The following ARID1A variants were observed in gnomAD, a reference collection of about 807,000 sequenced individuals.
The protein encoded by ARID1A is AT-rich interactive domain-containing protein 1A.
In ARID1A, 20 loss-of-function variants were observed where a neutral mutation model predicts 212.6. The observed-to-expected ratio is 0.09, with a 90% CI of 0.07 to 0.14. ARID1A has a LOEUF of 0.14. Ranked by LOEUF, ARID1A falls within the 10% of genes least tolerant of loss-of-function variation. The probability of loss-of-function intolerance (pLI) is 1.00; values close to 1 mark genes in which losing one functional copy is unlikely to be tolerated. For missense variants in ARID1A, 2,587 were observed against 3,059.0 expected (o/e 0.85, Z 3.64); for synonymous variants, 1,376 against 1,222.1 (o/e 1.13, Z -2.63).
intron 2 of ARID1A, 64 bp downstream of exon 2, chr1:26,729,927 G>C (rs2080657613): frequency 9.7e-6 from 15 of 1,548,912 alleles, no homozygotes; most frequent in Non-Finnish European, 1.3e-5. Context: ...GTGAGCTATA[G>C]AATCAGAATG....
rs2124144733 is a variant in ARID1A, at chr1:26,779,881, C to T, written c.5983C>T (p.Pro1995Ser). 6.2e-7 allele frequency: 1 copy of T among 1,614,098 alleles called. No homozygotes were observed. Among genetic ancestry groups the T allele is most frequent in the African/African-American group, 1.3e-5 (1 of 75,016 alleles). The change falls in exon 20 of 20, where the codon CCA becomes TCA. Residue 1995 changes from proline (P) to serine (S), a missense_variant. Transcript: ENST00000324856. ...TACCATTCGAAGCCTGTCATTTGTG[C>T]CAGGCAATGACTTTGAGATGTCCAA... is the stretch of plus-strand genomic sequence containing the variant. Reference protein sequence around the residue: ...SNTIRSLSFVPGNDFEMSKHP... With the variant: ...SNTIRSLSFVSGNDFEMSKHP...
In ARID1A at chr1:26,697,249, CGGCGGG is replaced by C. The variant is rs766163118; in HGVS notation, c.849_854del (p.Gly284_Gly285del). ...TGGGGGGAGGCGGCCCCTCCGCGGCCGGCGGGGGAACTCCCCAGCCCACCGCCACCC... is the reference window on the plus strand; with the variant it reads ...TGGGGGGAGGCGGCCCCTCCGCGGCCGGAACTCCCCAGCCCACCGCCACCC... On this transcript the variant is annotated inframe_deletion, in exon 1 of 20. Coordinates refer to ENST00000324856, the MANE Select transcript of ARID1A (RefSeq NM_006015.6). 5.1e-6 allele frequency: 7 copies of C among 1,372,370 alleles called. No homozygotes were observed. The South Asian group carries it at 1.1e-4, about 21-fold the overall frequency. 85.0% of individuals were successfully genotyped at this position (1,372,370 alleles called of 1,614,324 possible).
intron 4 of ARID1A, among the ~76,000 whole-genome samples, chr1:26,733,037 T>A (rs1244235351): frequency 6.6e-6 from 1 of 152,160 alleles, no homozygotes; most frequent in Non-Finnish European, 1.5e-5. Flanking sequence ...TGGACCCACA[T>A]GAGGGGCAGA....
chr1:26,743,645 C>T (rs961496694), intron 4 of ARID1A, among the ~76,000 whole-genome samples: 1 of 151,656 alleles, frequency 6.6e-6, no homozygotes, highest in African/African-American at 2.4e-5. Flanking sequence ...CCAGCCTGGA[C>T]AACATGGCGA....
chr1:26,763,655 G>A (rs1389792450), intron 8 of ARID1A, among the ~76,000 whole-genome samples: 3 of 152,166 alleles, frequency 2.0e-5, no homozygotes, highest in East Asian at 1.9e-4. Flanking sequence ...CTGTAATCCC[G>A]GCTATCGGGA....
At chr1:26,750,487 GC>G (rs886300972) in intron 4 of ARID1A, among the ~76,000 whole-genome samples, 6 of 152,120 alleles carry the variant, frequency 3.9e-5, no homozygotes, top group African/African-American at 1.4e-4. Context: ...CTAGAAAGGA[GC>G]CTTCCCGTCT....
chr1:26,767,552 A>G (rs1245687024), intron 10 of ARID1A, among the ~76,000 whole-genome samples: 1 of 152,230 alleles, frequency 6.6e-6, no homozygotes, highest in African/African-American at 2.4e-5. Flanking sequence ...CCTAATATAT[A>G]AAGGCATCTA....
At chr1:26,730,919 A>C (rs1479971367) in intron 2 of ARID1A, among the ~76,000 whole-genome samples, 1 of 152,142 alleles carries the variant, frequency 6.6e-6, no homozygotes, top group Non-Finnish European at 1.5e-5. Flanking sequence ...AATAGTGTAA[A>C]TTTTCAGTGG....
intron 1 of ARID1A, among the ~76,000 whole-genome samples, chr1:26,724,257 C>T (rs2080595477): frequency 6.6e-6 from 1 of 152,176 alleles, no homozygotes; most frequent in African/African-American, 2.4e-5. Context: ...GACTTCTCCT[C>T]TCTGATGGAC....
chr1:26,727,808 T>G (rs1210036542), intron 1 of ARID1A: 1 of 152,234 alleles, frequency 6.6e-6, no homozygotes, highest in Non-Finnish European at 1.5e-5. Context: ...GGAGGCCACA[T>G]GGACAGCAGC....
At chr1:26,738,431 T>C (rs1220250229) in intron 4 of ARID1A, among the ~76,000 whole-genome samples, 2 of 152,216 alleles carry the variant, frequency 1.3e-5, no homozygotes, top group African/African-American at 2.4e-5. Context: ...GTCTTGCTTA[T>C]TGCCATAGTG....
At chr1:26,773,054 C>G (rs2124108813) in intron 14 of ARID1A, 67 bp downstream of exon 14, 1 of 1,553,148 alleles carries the variant, frequency 6.4e-7, no homozygotes, top group Non-Finnish European at 8.7e-7. Context: ...GGGGGGAAAT[C>G]TTGAGAATGG....
rs2124112498 is a variant in ARID1A, at chr1:26,773,588, C to T, written c.3875C>T (p.Pro1292Leu). 1 of 1,614,218 alleles carries T rather than the reference C, an allele frequency of 6.2e-7. No individual in the cohort carries two copies. The highest frequency in any genetic ancestry group is 8.5e-7 in the Non-Finnish European group (1 of 1,180,044). ...GGPYDRVRTE[P>L]GIGPEGNMST... is the part of the protein sequence containing the mutation. ...TCTCCAATTTTGTTTAGGACGGAGC[C>T]TGGAATAGGGCCTGAGGGAAACATG... Residue 1292 changes from proline (P) to leucine (L), a missense_variant, in exon 16 of 20, where the codon CCT becomes CTT. Transcript: ENST00000324856.
chr1:26,723,409 G>T (rs1402597589), intron 1 of ARID1A, among the ~76,000 whole-genome samples: 1 of 152,196 alleles, frequency 6.6e-6, no homozygotes, highest in Non-Finnish European at 1.5e-5. Context: ...GCGGAGGACG[G>T]GGTGCCTTTG....
intron 1 of ARID1A, among the ~76,000 whole-genome samples, chr1:26,716,748 C>G (rs1031994204): frequency 3.9e-5 from 6 of 152,146 alleles, no homozygotes; most frequent in African/African-American, 1.2e-4. Context: ...GCCTCAGCCT[C>G]CCGAGTAGCT....
chr1:26,762,131 A>T (rs1335359289), intron 6 of ARID1A, 21 bp from the exon 7 acceptor site: 2 of 1,604,006 alleles, frequency 1.2e-6, no homozygotes, highest in Non-Finnish European at 1.7e-6. Context: ...TAATAACTAT[A>T]TGGATGCTAC....
rs2124108064 is a variant in ARID1A at position 26,772,970 on chromosome 1, A to G, written c.3698A>G (p.Tyr1233Cys). 1 of 1,610,808 alleles carries G rather than the reference A, an allele frequency of 6.2e-7. No homozygotes were observed. Among genetic ancestry groups the G allele is most frequent in the Non-Finnish European group, 8.5e-7 (1 of 1,177,520 alleles). ...RMSYEPNKDP[Y>C]GSMRKAPGSD... Reference sequence around the variant, plus strand: ...TCCTATGAGCCAAATAAGGATCCTTATGGCAGCATGAGGAAAGGTGACTGA... The same window carrying G: ...TCCTATGAGCCAAATAAGGATCCTTGTGGCAGCATGAGGAAAGGTGACTGA... The change falls in exon 14 of 20, where the codon TAT becomes TGT. Residue 1233 changes from tyrosine (Y) to cysteine (C), a missense_variant. By Grantham distance (194) the Tyr-to-Cys change is radical (BLOSUM62 -2). Coordinates refer to ENST00000324856, the MANE Select transcript of ARID1A (RefSeq NM_006015.6).
At chr1:26,727,976 C>T (rs1357153751) in intron 1 of ARID1A, 3 of 152,060 alleles carry the variant, frequency 2.0e-5, no homozygotes, top group South Asian at 2.1e-4. Flanking sequence ...TTGTTAAATT[C>T]GAACTTCCTA....
Position 26,731,284 on chromosome 1 carries a change from C to A in ARID1A, c.1483C>A (p.His495Asn), listed in dbSNP as rs1425323176. The change falls in exon 3 of 20, where the codon CAT becomes AAT. Residue 495 changes from histidine (H) to asparagine (N), a missense_variant. His to Asn is a moderately conservative substitution (Grantham distance 68). Transcript: ENST00000324856. The part of the protein sequence containing the change: ...YSQQPPSQTP[H>N]AQPSYQQQPQ... Reference sequence around the variant, plus strand: ...CCAGCAACCACCGTCCCAGACCCCTCATGCCCAACCTTCGTATCAGCAGCA... The same window carrying A: ...CCAGCAACCACCGTCCCAGACCCCTAATGCCCAACCTTCGTATCAGCAGCA... The A allele has an allele frequency of 6.2e-7, 1 of 1,614,010 alleles. No homozygotes were observed. Among genetic ancestry groups the A allele is most frequent in the Admixed American group, 1.7e-5 (1 of 59,992 alleles).
Sources: allele counts gnomAD v4.1 joint callset (sites outside exome capture counted in the v4.1 genomes callset), GRCh38; gene constraint gnomAD v4.1.1; transcripts MANE v1.5; gene names NCBI Gene and HGNC (gene_info 2026-07-23, HGNC 2026-07-21).